The following PACS2 variants were observed in gnomAD, a reference collection of about 807,000 sequenced individuals.
PACS2 encodes the protein PACS1-like protein.
In PACS2, 36 loss-of-function variants were observed where a neutral mutation model predicts 113.0. That is an observed-to-expected ratio of 0.32 (90% CI 0.24 to 0.42). The LOEUF (loss-of-function observed/expected upper bound fraction) is 0.42, where lower values mean the gene tolerates loss of function less well. Ranked by LOEUF, PACS2 falls within the 10% of genes least tolerant of loss-of-function variation. The probability of loss-of-function intolerance (pLI) is 1.00; values close to 1 mark genes in which losing one functional copy is unlikely to be tolerated. For missense variants in PACS2, 1,015 were observed against 1,239.5 expected, an observed-to-expected ratio of 0.82 and a Z score of 2.72; for synonymous variants, 589 against 536.1, an observed-to-expected ratio of 1.10 and a Z score of -1.36.
rs1555416787 is a variant in PACS2, at chr14:105,396,480, G to C, written c.*1808G>C. The stretch of plus-strand genomic sequence containing the variant: ...TGGGCTGCAGAGCATCTGTTTTTCT[G>C]CTCTCCAGTTTCTTTTCTTTTTTTT... On this transcript the variant is annotated 3_prime_UTR_variant, in exon 25 of 25. Transcript: ENST00000447393. 6.6e-6 allele frequency: 1 copy of C among 151,576 alleles called. No individual in the cohort carries two copies. Among genetic ancestry groups the C allele is most frequent in the Non-Finnish European group, 1.5e-5 (1 of 68,550 alleles). 9.4% of individuals were successfully genotyped at this position (151,576 alleles called of 1,614,324 possible).
intron 1 of PACS2, among the ~76,000 whole-genome samples, chr14:105,305,186 A>T (rs1346261119): frequency 6.6e-6 from 1 of 152,154 alleles, no homozygotes; most frequent in Non-Finnish European, 1.5e-5. Context: ...GGATTGCTTG[A>T]GTCCAGGAGT....
intron 1 of PACS2, among the ~76,000 whole-genome samples, chr14:105,301,870 C>T (rs952734999): frequency 2.0e-5 from 3 of 152,224 alleles, no homozygotes; most frequent in African/African-American, 7.2e-5. Flanking sequence ...GGCGTAGTGG[C>T]TCACGCTTGT....
At chr14:105,334,494 C>T (rs1211837009) in intron 1 of PACS2, among the ~76,000 whole-genome samples, 3 of 151,742 alleles carry the variant, frequency 2.0e-5, no homozygotes, top group East Asian at 1.9e-4. Context: ...CCAGTGTCTA[C>T]GTAGAGCTCC....
At chr14:105,343,943 T>C (rs60545468) in intron 1 of PACS2, among the ~76,000 whole-genome samples, 17,353 of 151,516 alleles carry the variant, frequency 0.11, 3,378 homozygotes, top group African/African-American at 0.4. Flanking sequence ...GTGTGATCTG[T>C]GGCCAGGTGT....
chr14:105,348,357 G>C lies in PACS2; in HGVS notation c.120-136G>C. ...TGTCTTGGAGCCCTGTGAGGTCCTG[G>C]GGCCGCCCAGGCAGTCACACCCCGC... On this transcript the variant is annotated intron_variant, in intron 1 of 24. Transcript: ENST00000447393. This position sits in a 1 kb window ranked among gnomAD's most constrained non-coding sequence, Gnocchi z 6.4. The C allele has an allele frequency of 1.6e-6, 1 of 624,752 alleles. No homozygotes were observed. Among genetic ancestry groups the C allele is most frequent in the Non-Finnish European group, 2.8e-6 (1 of 353,594 alleles). The allele number at this position is 624,752 out of a possible 1,614,324, so 38.7% of individuals were successfully genotyped here. A position where few individuals can be genotyped will look rare whatever the true frequency, so the allele number is the denominator to read the frequency against.
intron 24 of PACS2, 40 bp from the exon 25 acceptor site, chr14:105,394,514 C>T (rs782279993): frequency 3.4e-5 from 55 of 1,605,894 alleles, no homozygotes; most frequent in Non-Finnish European, 3.7e-5. Context: ...GTGGGCAGGC[C>T]GGGCAGGGGG....
intron 4 of PACS2, among the ~76,000 whole-genome samples, chr14:105,359,474 A>G (rs1337499150): frequency 2.0e-5 from 3 of 150,260 alleles, no homozygotes; most frequent in African/African-American, 7.4e-5. Flanking sequence ...CACCCAACTA[A>G]TTTTTTTATT....
At chr14:105,304,859 C>T (rs2058140406) in intron 1 of PACS2, among the ~76,000 whole-genome samples, 1 of 152,216 alleles carries the variant, frequency 6.6e-6, no homozygotes, top group South Asian at 2.1e-4. Context: ...GACTTATTCG[C>T]AATCACAAGA....
rs2059281492 is a variant in PACS2 at position 105,330,836 on chromosome 14, A to G, written c.119+15799A>G. Among the ~76,000 whole-genome samples the G allele has an allele frequency of 1.3e-5, 2 of 152,028 alleles. No individual in the cohort carries two copies. The highest frequency in any genetic ancestry group is 2.9e-5 in the Non-Finnish European group (2 of 68,004). On this transcript the variant is annotated intron_variant, in intron 1 of 24. Coordinates refer to ENST00000447393, the MANE Select transcript of PACS2 (RefSeq NM_001100913.3). This position sits in a 1 kb window ranked among gnomAD's most constrained non-coding sequence, Gnocchi z 6.9. The stretch of plus-strand genomic sequence containing the variant: ...GCTTTTTGCCTTAAGTGCGTTCCCA[A>G]TTCCATCTCTGTGCCAGCTGTGCCC...
upstream of PACS2, among the ~76,000 whole-genome samples, chr14:105,312,238 C>T (rs587759215): frequency 1.3e-5 from 2 of 152,338 alleles, no homozygotes; most frequent in South Asian, 4.1e-4. Context: ...AAGGCCTCGG[C>T]CCATCCTGTC....
At position 105,330,853 on chromosome 14, in the gene PACS2, GC is replaced by G. The variant is rs2059282402; in HGVS notation, c.119+15817del. 6.6e-6 allele frequency among the ~76,000 whole-genome samples: 1 copy of G among 152,194 alleles called. No individual in the cohort carries two copies. On this transcript the variant is annotated intron_variant, in intron 1 of 24. Coordinates refer to ENST00000447393, the MANE Select transcript of PACS2 (RefSeq NM_001100913.3). The surrounding 1 kb of genome is among the most constrained non-coding windows in gnomAD (Gnocchi z 6.9). ...CGTTCCCAATTCCATCTCTGTGCCAGCTGTGCCCCATGCAGCCTCTACCGGC... is the reference window on the plus strand; with the variant it reads ...CGTTCCCAATTCCATCTCTGTGCCAGTGTGCCCCATGCAGCCTCTACCGGC...
Position 105,394,633 on chromosome 14 carries a change from C to G in PACS2, c.2676C>G (p.Phe892Leu), listed in dbSNP as rs782745738. The G allele has an allele frequency of 6.2e-7, 1 of 1,613,426 alleles. No individual in the cohort carries two copies. Among genetic ancestry groups the G allele is most frequent in the East Asian group, 2.2e-5 (1 of 44,882 alleles). Residue 892 changes from phenylalanine to leucine, a missense_variant, in exon 25 of 25, where the codon TTC becomes TTG. Physicochemically the swap from Phe to Leu is conservative, Grantham distance 22. This residue lies in a region of PACS2 where 859 missense variants were observed against 1,056.8 expected (regional missense o/e 0.81). Coordinates refer to ENST00000447393, the MANE Select transcript of PACS2 (RefSeq NM_001100913.3). Reference protein sequence around the residue: ...AAQWSSHVKHFPICIFGHSKA... With the variant: ...AAQWSSHVKHLPICIFGHSKA... Reference sequence around the variant, plus strand: ...AGTGGTCCTCGCACGTGAAGCACTTCCCCATCTGCATCTTCGGACACTCCA... The same window carrying G: ...AGTGGTCCTCGCACGTGAAGCACTTGCCCATCTGCATCTTCGGACACTCCA...
At chr14:105,341,615 T>C (rs2059727938) in intron 1 of PACS2, among the ~76,000 whole-genome samples, 2 of 152,266 alleles carry the variant, frequency 1.3e-5, no homozygotes, top group African/African-American at 4.8e-5. Flanking sequence ...TAGGCCTCGC[T>C]CTCAGAACCA....
At chr14:105,327,480 T>C (rs1376170322) in intron 1 of PACS2, among the ~76,000 whole-genome samples, 2 of 152,164 alleles carry the variant, frequency 1.3e-5, no homozygotes, top group South Asian at 2.1e-4. Context: ...GGAGTTGTTC[T>C]CCTGCCGTGG....
chr14:105,367,413 G>A (rs2060977882), intron 5 of PACS2, 38 bp downstream of exon 5: 7 of 1,597,576 alleles, frequency 4.4e-6, no homozygotes, highest in Non-Finnish European at 6.0e-6. Flanking sequence ...CCCTGCTGTG[G>A]GGAGGCCCTG....
chr14:105,347,412 C>T (rs1156314247), intron 1 of PACS2, among the ~76,000 whole-genome samples: 5 of 152,132 alleles, frequency 3.3e-5, no homozygotes, highest in Non-Finnish European at 7.4e-5. Flanking sequence ...AAGCACGTGG[C>T]GGCCACTGTG....
intron 1 of PACS2, among the ~76,000 whole-genome samples, chr14:105,307,003 G>T (rs2058207506): frequency 6.6e-6 from 1 of 151,982 alleles, no homozygotes; most frequent in South Asian, 2.1e-4. Context: ...AGAGACAGCT[G>T]ACCACTTGCC....
At chr14:105,316,206 C>A (rs1007499597) in intron 1 of PACS2, among the ~76,000 whole-genome samples, 1 of 151,910 alleles carries the variant, frequency 6.6e-6, no homozygotes, top group Non-Finnish European at 1.5e-5. Flanking sequence ...TTGCACCTGG[C>A]GGGGCCTCCC....
chr14:105,368,880 G>A (rs945794498), intron 7 of PACS2, among the ~76,000 whole-genome samples: 1 of 152,244 alleles, frequency 6.6e-6, no homozygotes, highest in Non-Finnish European at 1.5e-5. Flanking sequence ...CACCTGAGTG[G>A]GCTGGTTCCC....
Sources: gnomAD v4.1 joint callset for allele counts (sites outside exome capture counted in the v4.1 genomes callset) on GRCh38, gnomAD v4.1.1 for gene constraint, gnomAD v4.1.1 regional missense constraint, Gnocchi (gnomAD v3.1) non-coding constraint, MANE v1.5 for transcripts, NCBI Gene and HGNC (gene_info 2026-07-23, HGNC 2026-07-21) for gene names.